Variants in DLEC1 observed in about 807,000 individuals in gnomAD.
DLEC1 encodes DLEC1 cilia and flagella associated protein, also known as deleted in lung and esophageal cancer protein 1.
A neutral mutation model predicts 198.1 loss-of-function variants in DLEC1; 146 were observed. That is an observed-to-expected ratio of 0.74 (90% confidence interval 0.64 to 0.85). The LOEUF is 0.85. Ranked by LOEUF, DLEC1 falls within the 40% of genes least tolerant of loss-of-function variation. DLEC1 has a pLI of 0.00. For missense variants in DLEC1, 2,233 were observed against 2,220.0 expected (o/e 1.01, Z -0.12); for synonymous variants, 897 against 866.8 (o/e 1.03, Z -0.61).
intron 22 of DLEC1, 124 bp downstream of exon 22, chr3:38,109,686 C>A: frequency 6.6e-7 from 1 of 1,506,230 alleles, no homozygotes; most frequent in Non-Finnish European, 9.0e-7. Flanking sequence ...CAGGAAAACG[C>A]CACAGTGTTA....
chr3:38,045,616 G>T lies in DLEC1; in HGVS notation c.485G>T (p.Arg162Leu), dbSNP rs1433963075. The T allele has an allele frequency of 8.7e-6, 14 of 1,614,088 alleles. No individual in the cohort carries two copies. The highest frequency in any genetic ancestry group is 1.2e-5 in the Non-Finnish European group (14 of 1,180,012). Residue 162 changes from arginine to leucine, a missense_variant, in exon 2 of 37, where the codon CGG (arginine) becomes CTG (leucine). By Grantham distance (102) the Arg-to-Leu change is moderately radical. Coordinates refer to ENST00000308059, the MANE Select transcript of DLEC1 (RefSeq NM_007335.4). Reference sequence around the variant, plus strand: ...AGACATATCACTCAGGCCCAAGCACGGGCTATTGCGGAAAATGAGCGGGTC... The same window carrying T: ...AGACATATCACTCAGGCCCAAGCACTGGCTATTGCGGAAAATGAGCGGGTC... ...LERHITQAQARAIAENERVMS... is the reference protein window; with the variant it reads ...LERHITQAQALAIAENERVMS...
chr3:38,040,240 T>C (rs1001734080), intron 1 of DLEC1, among the ~76,000 whole-genome samples: 1 of 152,212 alleles, frequency 6.6e-6, no homozygotes, highest in African/African-American at 2.4e-5. Context: ...CTTCTTCTCC[T>C]TTCTGTTCTG....
intron 1 of DLEC1, among the ~76,000 whole-genome samples, chr3:38,042,390 C>A (rs1199819186): frequency 6.6e-6 from 1 of 152,112 alleles, no homozygotes; most frequent in Non-Finnish European, 1.5e-5. Context: ...AAAACTTTCA[C>A]AACAAAATGT....
intron 6 of DLEC1, among the ~76,000 whole-genome samples, chr3:38,083,914 G>A (rs1198797951): frequency 1.3e-5 from 2 of 152,062 alleles, no homozygotes; most frequent in South Asian, 2.1e-4. Context: ...ACAGGCGTGA[G>A]CCACCACACC....
chr3:38,109,639 C>T, intron 22 of DLEC1, 77 bp downstream of exon 22: 1 of 1,601,590 alleles, frequency 6.2e-7, no homozygotes. Context: ...CAGCACGGCA[C>T]TGTGGTATCA....
intron 9 of DLEC1, among the ~76,000 whole-genome samples, chr3:38,087,914 T>G (rs1019852391): frequency 6.6e-6 from 1 of 152,182 alleles, no homozygotes; most frequent in Non-Finnish European, 1.5e-5. Context: ...GGTGTTACTG[T>G]AGGAAAAGGA....
chr3:38,045,413 A>G (rs1429265528), intron 1 of DLEC1, 130 bp from the exon 2 acceptor site: 25 of 1,262,792 alleles, frequency 2.0e-5, no homozygotes, highest in Non-Finnish European at 2.7e-5. Context: ...TTCAGACCAG[A>G]TGGTTGGAAT....
Position 38,122,433 on chromosome 3 carries a change from C to T in DLEC1, c.*21C>T, listed in dbSNP as rs756098920. On this transcript the variant is annotated 3_prime_UTR_variant, in exon 37 of 37. Transcript: ENST00000308059. Reference sequence around the variant, plus strand: ...CCTGAGGCTCCGCCCCAGCCCTCAGCCCCAGGCCCCAGCTGGAGAAAAAAC... The same window carrying T: ...CCTGAGGCTCCGCCCCAGCCCTCAGTCCCAGGCCCCAGCTGGAGAAAAAAC... The T allele has an allele frequency of 6.2e-7, 1 of 1,614,044 alleles. No homozygotes were observed. The highest frequency in any genetic ancestry group is 8.5e-7 in the Non-Finnish European group (1 of 1,180,034).
At chr3:38,051,686 A>G (rs370701118) in intron 2 of DLEC1, 81 of 218,168 alleles carry the variant, frequency 3.7e-4, no homozygotes, top group African/African-American at 1.9e-3. Flanking sequence ...AGGGGAGAAT[A>G]TAATGTTTAC....
At chr3:38,086,868 G>T (rs1459792778) in intron 9 of DLEC1, among the ~76,000 whole-genome samples, 1 of 151,970 alleles carries the variant, frequency 6.6e-6, no homozygotes, top group African/African-American at 2.4e-5. Context: ...TGAGGTCAGG[G>T]GTTTGAGACC....
At chr3:38,114,542 C>A in intron 26 of DLEC1, 82 bp downstream of exon 26, 2 of 1,388,152 alleles carry the variant, frequency 1.4e-6, no homozygotes, top group Non-Finnish European at 2.0e-6. Flanking sequence ...CCCACGTTGG[C>A]TTGTTATTCT....
chr3:38,112,157 C>G lies in DLEC1; in HGVS notation c.3515-53C>G. 2 of 1,610,104 alleles carry G rather than the reference C, an allele frequency of 1.2e-6. No individual in the cohort carries two copies. The highest frequency in any genetic ancestry group is 1.7e-6 in the Non-Finnish European group (2 of 1,177,578). ...TTTGCTCACACACGAGGGTTTGGACCTCACTCCCAACCCCAGGCCCGTGAA... is the reference window on the plus strand; with the variant it reads ...TTTGCTCACACACGAGGGTTTGGACGTCACTCCCAACCCCAGGCCCGTGAA... On this transcript the variant is annotated intron_variant, in intron 24 of 36. Coordinates refer to ENST00000308059, the MANE Select transcript of DLEC1 (RefSeq NM_007335.4). The surrounding 1 kb of genome is among the most constrained non-coding windows in gnomAD (Gnocchi z 4.8).
At position 38,097,786 on chromosome 3, in the gene DLEC1, C is replaced by G. The variant is rs1699107640; in HGVS notation, c.2608C>G (p.Leu870Val). ...CAACGTCTCAGCCCTTCAGTTTGGT[C>G]TGCTCCGCCTGGGGCAGAAAGCCAC... is the stretch of plus-strand genomic sequence containing the variant. The part of the protein sequence containing the change: ...IINVSALQFG[L>V]LRLGQKATNS... Residue 870 changes from leucine to valine, a missense_variant, in exon 18 of 37, where the codon CTG becomes GTG. Transcript: ENST00000308059. 4 of 1,614,102 alleles carry G rather than the reference C, an allele frequency of 2.5e-6. No homozygotes were observed. The highest frequency in any genetic ancestry group is 3.4e-6 in the Non-Finnish European group (4 of 1,180,018).
Position 38,122,629 on chromosome 3 carries a change from G to A in DLEC1, c.*217G>A, listed in dbSNP as rs1326910287. 6.6e-7 allele frequency: 1 copy of A among 1,518,354 alleles called. No homozygotes were observed. The highest frequency in any genetic ancestry group is 2.1e-5 in the Admixed American group (1 of 48,250). The allele number at this position is 1,518,354 out of a possible 1,614,324, so 94.1% of individuals were successfully genotyped here. Reference sequence around the variant, plus strand: ...AAAGGACAGGCCACACCACAGCAGAGACCACCACATTGAGATCACTACTCA... The same window carrying A: ...AAAGGACAGGCCACACCACAGCAGAAACCACCACATTGAGATCACTACTCA... On this transcript the variant is annotated 3_prime_UTR_variant, in exon 37 of 37. Coordinates refer to ENST00000308059, the MANE Select transcript of DLEC1 (RefSeq NM_007335.4).
Position 38,097,763 on chromosome 3 carries a change from A to G in DLEC1, c.2585A>G (p.Asn862Ser), listed in dbSNP as rs1171766998. ...AVFKGPALII[N>S]VSALQFGLLR... is the part of the protein sequence containing the mutation. ...TCTCAGGGGCCTGCCCTCATCATCA[A>G]CGTCTCAGCCCTTCAGTTTGGTCTG... Residue 862 changes from asparagine to serine, a missense_variant, in exon 18 of 37, where the codon AAC (asparagine) becomes AGC (serine). By Grantham distance (46) the Asn-to-Ser change is conservative (BLOSUM62 1). Coordinates refer to ENST00000308059, the MANE Select transcript of DLEC1 (RefSeq NM_007335.4). 4 of 1,613,960 alleles carry G rather than the reference A, an allele frequency of 2.5e-6. No homozygotes were observed. In the Admixed American group the frequency reaches 5.0e-5, roughly 20 times the overall value.
At chr3:38,044,936 A>C (rs1016848748) in intron 1 of DLEC1, among the ~76,000 whole-genome samples, 1 of 152,194 alleles carries the variant, frequency 6.6e-6, no homozygotes, top group African/African-American at 2.4e-5. Context: ...GGGGAGGGGA[A>C]TGAAAGAAGG....
rs1382325419 is a variant in DLEC1 at position 38,116,612 on chromosome 3, C to T, written c.4016C>T (p.Pro1339Leu). Reference sequence around the variant, plus strand: ...GAGGGTGGCTGCCTCCTCTGGTCCCCAGGCCCCTCCAGTTCATCGGAATTC... The same window carrying T: ...GAGGGTGGCTGCCTCCTCTGGTCCCTAGGCCCCTCCAGTTCATCGGAATTC... ...TPEGGCLLWS[P>L]GPSSSSEFSH... Residue 1339 changes from proline (P) to leucine (L), a missense_variant, in exon 28 of 37, where the codon CCA becomes CTA. Transcript: ENST00000308059. 6.2e-7 allele frequency: 1 copy of T among 1,614,110 alleles called. No individual in the cohort carries two copies. Among genetic ancestry groups the T allele is most frequent in the African/African-American group, 1.3e-5 (1 of 75,026 alleles).
chr3:38,045,479 G>C (rs1244809967), intron 1 of DLEC1, 64 bp from the exon 2 acceptor site: 1 of 1,561,814 alleles, frequency 6.4e-7, no homozygotes, highest in East Asian at 2.3e-5. Flanking sequence ...GTAGGGCTGA[G>C]TAAAGCTAAG....
chr3:38,118,561 C>A (rs1700303915), intron 33 of DLEC1, among the ~76,000 whole-genome samples: 4 of 152,190 alleles, frequency 2.6e-5, no homozygotes. Context: ...AATGTCAGGA[C>A]CTCACTGGAA....
Sources: gnomAD v4.1 joint callset for allele counts (sites outside exome capture counted in the v4.1 genomes callset) on GRCh38, gnomAD v4.1.1 for gene constraint, Gnocchi (gnomAD v3.1) non-coding constraint, MANE v1.5 for transcripts, NCBI Gene and HGNC (gene_info 2026-07-23, HGNC 2026-07-21) for gene names.